The following C4orf50 variants were observed in gnomAD, a reference collection of about 807,000 sequenced individuals.
The protein encoded by C4orf50 is chromosome 4 open reading frame 50.
In C4orf50, 80 loss-of-function variants were observed where a neutral mutation model predicts 77.2. That is an observed-to-expected ratio of 1.04 (90% CI 0.87 to 1.25). The LOEUF is 1.25. Ranked by LOEUF, C4orf50 falls within the 50% of genes most tolerant of loss-of-function variation. The probability of loss-of-function intolerance (pLI) is 0.00; values close to 1 mark genes in which losing one functional copy is unlikely to be tolerated. For synonymous variants in C4orf50, 532 were observed against 465.3 expected (o/e 1.14, Z -1.84); for missense variants, 1,257 against 1,152.9 (o/e 1.09, Z -1.31).
At chr4:5,961,926 A>G (rs1577935919) in intron 33 of C4orf50, among the ~76,000 whole-genome samples, 1 of 152,120 alleles carries the variant, frequency 6.6e-6, no homozygotes, top group African/African-American at 2.4e-5. Context: ...GTAGGTCACT[A>G]ATCCCCTGGT....
At chr4:6,013,596 T>C (rs911293345) in intron 23 of C4orf50, among the ~76,000 whole-genome samples, 5 of 152,062 alleles carry the variant, frequency 3.3e-5, no homozygotes, top group Non-Finnish European at 7.4e-5. Context: ...GATGGTGAGA[T>C]GGGGATATGG....
At position 5,988,325 on chromosome 4, in the gene C4orf50, C is replaced by A. The variant is rs546162560; in HGVS notation, c.3699+22G>T. On this transcript the variant is annotated intron_variant, in intron 28 of 33. Transcript: ENST00000531445. ...AACAGAGTCATGCGTGATGAGTAAG[C>A]AGATATGCAGACCCAACCTACCATG... 6 of 1,608,078 alleles carry A rather than the reference C, an allele frequency of 3.7e-6. No homozygotes were observed. In the Middle Eastern group the frequency reaches 5.0e-4, roughly 133 times the overall value.
At chr4:5,990,486 G>A (rs571480006) in exon 28 of C4orf50, 19 of 399,470 alleles carry the variant, frequency 4.8e-5, no homozygotes, top group Middle Eastern at 6.2e-4. Flanking sequence ...GGGAGGCACC[G>A]CGGCCTCTTG....
intron 29 of C4orf50, 61 bp downstream of exon 7, chr4:5,980,112 CA>C: frequency 6.9e-7 from 1 of 1,459,138 alleles, no homozygotes; most frequent in Non-Finnish European, 9.2e-7. Flanking sequence ...TGTTCACTCC[CA>C]AAACGCCCCG....
chr4:5,921,641 G>C (rs1159829921), intron 7 of C4orf50, among the ~76,000 whole-genome samples: 1 of 152,096 alleles, frequency 6.6e-6, no homozygotes, highest in Non-Finnish European at 1.5e-5. Context: ...CACCGGGTGG[G>C]TAAGTTGGCA....
chr4:6,011,843 T>G lies in C4orf50; in HGVS notation c.413A>C (p.Glu138Ala). The G allele has an allele frequency of 2.5e-6, 1 of 398,974 alleles. No individual in the cohort carries two copies. Among genetic ancestry groups the G allele is most frequent in the Non-Finnish European group, 4.4e-6 (1 of 226,058 alleles). 24.7% of individuals were successfully genotyped at this position (398,974 alleles called of 1,614,324 possible). Reference sequence around the variant, plus strand: ...AGGAAACGGTACCTGGCTGGCCAGCTCCCCCTGCAGCGCCGCCAGCTTCTC... The same window carrying G: ...AGGAAACGGTACCTGGCTGGCCAGCGCCCCCTGCAGCGCCGCCAGCTTCTC... The change falls in exon 24 of 34, where the codon GAG (glutamate) becomes GCG (alanine). Residue 138 changes from glutamate (E) to alanine (A), a missense_variant. Transcript: ENST00000531445. The surrounding 1 kb of genome is among the most constrained non-coding windows in gnomAD (Gnocchi z 4.2).
chr4:5,978,606 T>G (rs139887573), intron 29 of C4orf50, among the ~76,000 whole-genome samples: 77 of 152,356 alleles, frequency 5.1e-4, no homozygotes, highest in African/African-American at 1.7e-3. Context: ...TTGTGTTGGT[T>G]GAAGACACGG....
At chr4:5,913,771 C>T (rs1308126341) in intron 7 of C4orf50, among the ~76,000 whole-genome samples, 2 of 152,158 alleles carry the variant, frequency 1.3e-5, no homozygotes, top group East Asian at 1.9e-4. Context: ...ATACAGAAAG[C>T]GGGGCTTTCT....
chr4:6,011,123 A>ATC lies in C4orf50; in HGVS notation c.426+705_426+706dup, dbSNP rs927929590. Among the ~76,000 whole-genome samples the ATC allele has an allele frequency of 6.6e-6, 1 of 151,844 alleles. No individual in the cohort carries two copies. Among genetic ancestry groups the ATC allele is most frequent in the Non-Finnish European group, 1.5e-5 (1 of 67,958 alleles). On this transcript the variant is annotated intron_variant, in intron 24 of 33. Coordinates refer to ENST00000531445, the Ensembl canonical transcript of C4orf50. The surrounding 1 kb of genome is among the most constrained non-coding windows in gnomAD (Gnocchi z 4.2). Reference sequence around the variant, plus strand: ...TCGAACTTCTCCCCCTGCCTCCATCATCTCTCTCTCCCATGCAGGGAGAAT... The same window carrying ATC: ...TCGAACTTCTCCCCCTGCCTCCATCATCTCTCTCTCTCCCATGCAGGGAGAAT...
At chr4:5,969,964 T>C (rs1209551705) in intron 31 of C4orf50, among the ~76,000 whole-genome samples, 3 of 152,018 alleles carry the variant, frequency 2.0e-5, no homozygotes, top group Non-Finnish European at 4.4e-5. Flanking sequence ...CCAGCTGCCA[T>C]CTTAGCCAGT....
At chr4:5,936,335 G>A (rs890769288) in intron 7 of C4orf50, among the ~76,000 whole-genome samples, 1 of 152,150 alleles carries the variant, frequency 6.6e-6, no homozygotes, top group African/African-American at 2.4e-5. Context: ...GCCGAGGCGG[G>A]TGGATCACCT....
chr4:5,945,298 C>T lies in C4orf50; in HGVS notation c.*2474+11603G>A, dbSNP rs891730894. On this transcript the variant is annotated intron_variant, in intron 7 of 7. Transcript: ENST00000324058. Reference sequence around the variant, plus strand: ...ATCAATCTTCCCACAGGGCTATTCACGATTCAGCTTGGTACCCACATTCCC... The same window carrying T: ...ATCAATCTTCCCACAGGGCTATTCATGATTCAGCTTGGTACCCACATTCCC... 4.6e-5 allele frequency among the ~76,000 whole-genome samples: 7 copies of T among 152,282 alleles called. No homozygotes were observed. In the East Asian group the frequency reaches 5.8e-4, roughly 13 times the overall value.
chr4:5,980,732 C>G (rs552794951), intron 28 of C4orf50, among the ~76,000 whole-genome samples: 3 of 152,078 alleles, frequency 2.0e-5, no homozygotes, highest in African/African-American at 4.8e-5. Context: ...GTAATAGATG[C>G]CAGTCACTGT....
Position 5,908,020 on chromosome 4 carries a change from G to A in C4orf50, c.*2475-9832C>T, listed in dbSNP as rs2152480702. ...GTAAAGAAGGACTTTTTAACAAAAA[G>A]AGCTGACCATTCACTGATTCATTCA... On this transcript the variant is annotated intron_variant, in intron 7 of 7. Coordinates refer to the C4orf50 transcript ENST00000324058. This position sits in a 1 kb window ranked among gnomAD's most constrained non-coding sequence, Gnocchi z 5.6. Among the ~76,000 whole-genome samples, 1 of 149,354 alleles carries A rather than the reference G, an allele frequency of 6.7e-6. No individual in the cohort carries two copies. The highest frequency in any genetic ancestry group is 2.2e-4 in the South Asian group (1 of 4,532).
chr4:5,934,133 G>T (rs957007621), intron 7 of C4orf50, among the ~76,000 whole-genome samples: 1 of 151,936 alleles, frequency 6.6e-6, no homozygotes, highest in African/African-American at 2.4e-5. Context: ...CTGCACCTCG[G>T]TCTCCTCATC....
chr4:5,968,756 TAG>T lies in C4orf50; in HGVS notation c.4105-1296_4105-1295del, dbSNP rs142837784. On this transcript the variant is annotated intron_variant, in intron 31 of 33. Transcript: ENST00000531445. The stretch of plus-strand genomic sequence containing the variant: ...GAATGCCCTTTATTGCCCCTGGGTT[TAG>T]AGTCAGGTGTCTCCTCATTAGACAG... Among the ~76,000 whole-genome samples the T allele has an allele frequency of 3.6e-3, 554 of 152,326 alleles. 8 individuals carry two copies. Among genetic ancestry groups the T allele is most frequent in the African/African-American group, 0.013 (522 of 41,578 alleles).
At chr4:5,998,529 C>T (rs952284698) in intron 25 of C4orf50, among the ~76,000 whole-genome samples, 2 of 152,218 alleles carry the variant, frequency 1.3e-5, no homozygotes, top group Admixed American at 6.5e-5. Flanking sequence ...CGCACACTGC[C>T]AGGGCATAGA....
chr4:5,994,748 T>A (rs549018848), intron 25 of C4orf50, among the ~76,000 whole-genome samples: 6 of 152,170 alleles, frequency 3.9e-5, no homozygotes, highest in African/African-American at 1.4e-4. Flanking sequence ...AGTATGTCTG[T>A]CCAGCCAAGA....
chr4:6,003,774 GTGATGATGGTGATGGTGA>G (rs1249303351), intron 25 of C4orf50, among the ~76,000 whole-genome samples: 1 of 133,342 alleles, frequency 7.5e-6, no homozygotes, highest in Non-Finnish European at 1.6e-5. Context: ...AGTGATGATG[GTGATGATGGTGATGGTGA>G]TGATGGTGAT....
Sources: allele counts gnomAD v4.1 joint callset (sites outside exome capture counted in the v4.1 genomes callset), GRCh38; gene constraint gnomAD v4.1.1; non-coding constraint Gnocchi (gnomAD v3.1); transcripts MANE v1.5; gene names NCBI Gene and HGNC (gene_info 2026-07-23, HGNC 2026-07-21).